Variants in CDIN1 observed in about 807,000 individuals in gnomAD.
The protein encoded by CDIN1 is CDAN1-interacting nuclease 1.
A neutral mutation model predicts 45.3 loss-of-function variants in CDIN1; 33 were observed. The observed-to-expected ratio is 0.73, with a 90% CI of 0.55 to 0.97. The LOEUF (loss-of-function observed/expected upper bound fraction) is 0.97, where lower values mean the gene tolerates loss of function less well. CDIN1 is among the 50% of genes least tolerant of loss of function. CDIN1 has a pLI of 0.00. For synonymous variants in CDIN1, 118 were observed against 124.4 expected, an observed-to-expected ratio of 0.95 and a Z score of 0.34; for missense variants, 303 against 339.4, an observed-to-expected ratio of 0.89 and a Z score of 0.84.
chr15:36,587,878 C>T (rs903485700), intron 1 of CDIN1, among the ~76,000 whole-genome samples: 2 of 152,106 alleles, frequency 1.3e-5, no homozygotes, highest in Non-Finnish European at 2.9e-5. Flanking sequence ...ATCTCTTTCT[C>T]GCTCTGTTGT....
chr15:36,723,294 A>AT lies in CDIN1; in HGVS notation c.716+13341dup, dbSNP rs964178656. ...GATCATAAGTTAAAAACTAAAGCCA[A>AT]TTTTTTTTATTTAGTAAAGAGGATT... On this transcript the variant is annotated intron_variant, in intron 10 of 10. Transcript: ENST00000566621. Among the ~76,000 whole-genome samples, 20 of 151,948 alleles carry AT rather than the reference A, an allele frequency of 1.3e-4. No individual in the cohort carries two copies. In the South Asian group the frequency reaches 1.7e-3, roughly 13 times the overall value.
At chr15:36,706,451 A>AAAAAT (rs1008518986) in intron 8 of CDIN1, 1 of 152,100 alleles carries the variant, frequency 6.6e-6, no homozygotes, top group African/African-American at 2.4e-5. Flanking sequence ...TGTCTCTACT[A>AAAAAT]AAAATACAAA....
chr15:36,700,855 A>G (rs534697642), intron 8 of CDIN1, among the ~76,000 whole-genome samples: 6 of 152,094 alleles, frequency 3.9e-5, no homozygotes, highest in African/African-American at 1.4e-4. Context: ...CAGGAGGATC[A>G]CATGAGGCCA....
At chr15:36,695,178 T>C (rs1293846680) in intron 7 of CDIN1, among the ~76,000 whole-genome samples, 1 of 152,224 alleles carries the variant, frequency 6.6e-6, no homozygotes, top group Non-Finnish European at 1.5e-5. Flanking sequence ...CTGTATGTAT[T>C]GGTAAAATGC....
At chr15:36,627,254 C>A in intron 1 of CDIN1, 1 of 165,454 alleles carries the variant, frequency 6.0e-6, no homozygotes, top group South Asian at 1.8e-4. Flanking sequence ...TGCATGTGAT[C>A]AAGGAGTGCA....
chr15:36,640,681 C>T (rs2040070012), intron 1 of CDIN1: 2 of 980,134 alleles, frequency 2.0e-6, no homozygotes, highest in Admixed American at 1.2e-4. Flanking sequence ...TTTAGCTGTC[C>T]ATCTGAAAAC....
At chr15:36,640,883 A>G (rs1233833727) in intron 1 of CDIN1, among the ~76,000 whole-genome samples, 1 of 152,234 alleles carries the variant, frequency 6.6e-6, no homozygotes, top group Non-Finnish European at 1.5e-5. Context: ...TTTTTATATC[A>G]GGCATTTGAA....
chr15:36,606,183 A>G (rs1566827905), intron 1 of CDIN1, among the ~76,000 whole-genome samples: 1 of 152,056 alleles, frequency 6.6e-6, no homozygotes, highest in African/African-American at 2.4e-5. Flanking sequence ...TATATTTTAT[A>G]TATAAATATA....
At chr15:36,592,024 T>C (rs1484627511) in intron 1 of CDIN1, 1 of 152,112 alleles carries the variant, frequency 6.6e-6, no homozygotes, top group Non-Finnish European at 1.5e-5. Flanking sequence ...CATGCAGGAA[T>C]GTGGGCCTGG....
chr15:36,689,084 C>T (rs1392609933), intron 5 of CDIN1, among the ~76,000 whole-genome samples: 1 of 152,114 alleles, frequency 6.6e-6, no homozygotes, highest in Non-Finnish European at 1.5e-5. Context: ...TGGCAAGTTT[C>T]CTTTCATTTG....
chr15:36,593,072 A>G lies in CDIN1; in HGVS notation c.101+13111A>G, dbSNP rs552297068. ...AAAATGGAATTGTTATGAACTTGAA[A>G]TAAGATAATACATATAAAATGATTA... On this transcript the variant is annotated intron_variant, in intron 1 of 10. Coordinates refer to ENST00000566621, the MANE Select transcript of CDIN1 (RefSeq NM_001321759.2). Among the ~76,000 whole-genome samples the G allele has an allele frequency of 2.0e-5, 3 of 152,298 alleles. No homozygotes were observed. In the South Asian group the frequency reaches 6.2e-4, roughly 32 times the overall value.
At chr15:36,621,821 A>G (rs1048250135) in intron 1 of CDIN1, among the ~76,000 whole-genome samples, 1 of 151,726 alleles carries the variant, frequency 6.6e-6, no homozygotes, top group Non-Finnish European at 1.5e-5. Context: ...TATCTGACTT[A>G]ATTATAATAT....
chr15:36,736,370 T>G (rs935626685), intron 10 of CDIN1, among the ~76,000 whole-genome samples: 1 of 152,296 alleles, frequency 6.6e-6, no homozygotes, highest in Non-Finnish European at 1.5e-5. Context: ...CTCTTCCCAT[T>G]GTTGTCCAGT....
chr15:36,773,949 T>C (rs1035436889), intron 10 of CDIN1, among the ~76,000 whole-genome samples: 2 of 152,248 alleles, frequency 1.3e-5, no homozygotes, highest in Non-Finnish European at 2.9e-5. Context: ...AGCTACTTCC[T>C]GCACACCAGA....
chr15:36,753,225 C>A (rs569382579), intron 10 of CDIN1, among the ~76,000 whole-genome samples: 1 of 152,138 alleles, frequency 6.6e-6, no homozygotes, highest in Non-Finnish European at 1.5e-5. Flanking sequence ...TTATTCCAAT[C>A]GTTAACATTC....
chr15:36,782,721 T>C (rs946740526), intron 10 of CDIN1, among the ~76,000 whole-genome samples: 1 of 152,332 alleles, frequency 6.6e-6, no homozygotes, highest in South Asian at 2.1e-4. Context: ...AAATAATTTA[T>C]TATAGAAATA....
chr15:36,788,954 T>C (rs1166760615), intron 10 of CDIN1, among the ~76,000 whole-genome samples: 1 of 152,206 alleles, frequency 6.6e-6, no homozygotes, highest in Non-Finnish European at 1.5e-5. Flanking sequence ...AATAACAGAC[T>C]CGCATTTTCT....
At chr15:36,621,643 A>T (rs928274031) in intron 1 of CDIN1, among the ~76,000 whole-genome samples, 1 of 152,220 alleles carries the variant, frequency 6.6e-6, no homozygotes, top group Non-Finnish European at 1.5e-5. Flanking sequence ...TACTAAGATA[A>T]TGCAGTTGGT....
intron 5 of CDIN1, among the ~76,000 whole-genome samples, chr15:36,677,333 T>G (rs2041682808): frequency 6.6e-6 from 1 of 152,058 alleles, no homozygotes; most frequent in Non-Finnish European, 1.5e-5. Context: ...ATAAGAAGTC[T>G]TCTGAGGTGG....
Sources: gnomAD v4.1 joint callset for allele counts (sites outside exome capture counted in the v4.1 genomes callset) on GRCh38, gnomAD v4.1.1 for gene constraint, MANE v1.5 for transcripts, NCBI Gene and HGNC (gene_info 2026-07-23, HGNC 2026-07-21) for gene names.